The following RANBP1 variants were observed in gnomAD, a reference collection of about 807,000 sequenced individuals.
RANBP1 encodes the protein RAN binding protein 1.
Under a neutral mutation model 31.4 loss-of-function variants are expected in RANBP1, and 16 were observed. The ratio of observed to expected loss-of-function variants is 0.51; its 90% CI spans 0.34 to 0.77. RANBP1 has a LOEUF of 0.77. RANBP1 is among the 30% of genes least tolerant of loss of function. The pLI is 0.01. For synonymous variants in RANBP1, 129 were observed against 140.5 expected (o/e 0.92, Z 0.58); for missense variants, 265 against 362.0 (o/e 0.73, Z 2.17).
At chr22:20,117,387 C>A in intron 1 of RANBP1, 1 of 1,209,974 alleles carries the variant, frequency 8.3e-7, no homozygotes, top group Non-Finnish European at 1.0e-6. Flanking sequence ...GCGCCGCGGG[C>A]GTTTTGGCGG....
At chr22:20,118,495 A>G (rs367909443) in intron 1 of RANBP1, among the ~76,000 whole-genome samples, 13 of 152,368 alleles carry the variant, frequency 8.5e-5, no homozygotes, top group African/African-American at 2.6e-4. Context: ...GCAGTCCTGT[A>G]GCGACTTTTT....
chr22:20,126,155 A>G, intron 4 of RANBP1, 148 bp from the exon 5 acceptor site: 1 of 948,500 alleles, frequency 1.1e-6, no homozygotes, highest in Non-Finnish European at 1.6e-6. Context: ...ACAGAAGGCC[A>G]GGGCCGATGT....
intron 2 of RANBP1, among the ~76,000 whole-genome samples, chr22:20,121,427 TTAG>T (rs2050168377): frequency 6.6e-6 from 1 of 152,090 alleles, no homozygotes; most frequent in African/African-American, 2.4e-5. Context: ...TTTTGTATTT[TTAG>T]TAGAGAGGGG....
rs200653246 is a variant in RANBP1, at chr22:20,116,255, C to T, written c.71C>T (p.Thr24Met). 1.2e-4 allele frequency: 193 copies of T among 1,612,860 alleles called. No homozygotes were observed. Among genetic ancestry groups the T allele is most frequent in the East Asian group, 2.9e-4 (13 of 44,898 alleles). ...CCTTTCCAGAGGGCACCATGCAAAA[C>T]GCGCAGGGCCTTGTCCCTCTCTGCA... ...GRPFQRAPCK[T>M]RRALSLSAAL... is the part of the protein sequence containing the mutation. Residue 24 changes from threonine to methionine, a missense_variant, in exon 1 of 6, where the codon ACG becomes ATG. By Grantham distance (81) the Thr-to-Met change is moderately conservative. Around this residue, in one of 3 missense-constraint regions of RANBP1, gnomAD observed 126 missense variants for 123.6 expected, o/e 1.02. Transcript: ENST00000430524.
intron 3 of RANBP1, chr22:20,124,995 G>T: frequency 2.8e-6 from 1 of 352,754 alleles, no homozygotes; most frequent in Non-Finnish European, 5.3e-6. Flanking sequence ...GGAGGTGGGG[G>T]TCTGTGTGCC....
chr22:20,120,940 C>G (rs964055562), intron 2 of RANBP1, among the ~76,000 whole-genome samples: 3 of 152,236 alleles, frequency 2.0e-5, no homozygotes, highest in Non-Finnish European at 4.4e-5. Flanking sequence ...CTGCAGATCT[C>G]TGGGGCTGGG....
chr22:20,117,062 C>T (rs1358695380), intron 1 of RANBP1: 1 of 979,386 alleles, frequency 1.0e-6, no homozygotes, highest in African/African-American at 1.6e-5. Context: ...TCGCCGCCAC[C>T]CCCGGCTTCG....
chr22:20,118,191 G>A (rs900063197), intron 1 of RANBP1: 2 of 1,002,082 alleles, frequency 2.0e-6, no homozygotes, highest in Non-Finnish European at 2.4e-6. Context: ...GTTGAGTGCG[G>A]GCCGCTGCAG....
At chr22:20,122,723 C>CGGTGTG in intron 3 of RANBP1, 1 of 928,858 alleles carries the variant, frequency 1.1e-6, no homozygotes, top group Non-Finnish European at 1.3e-6. Flanking sequence ...CGAGGGGGTG[C>CGGTGTG]TGTGTGTGTG....
chr22:20,116,837 CT>C, intron 1 of RANBP1: 14 of 1,551,806 alleles, frequency 9.0e-6, no homozygotes, highest in Non-Finnish European at 1.2e-5. Context: ...ACCCCGCCTC[CT>C]CCCACCCCAT....
chr22:20,117,531 G>C, intron 1 of RANBP1: 1 of 1,352,642 alleles, frequency 7.4e-7, no homozygotes, highest in South Asian at 1.5e-5. Context: ...GGAGGGAAGA[G>C]CGGGCGGGCG....
intron 2 of RANBP1, among the ~76,000 whole-genome samples, chr22:20,121,258 T>C (rs1602539004): frequency 6.7e-6 from 1 of 150,246 alleles, no homozygotes; most frequent in Non-Finnish European, 1.5e-5. Context: ...TGCTCTCTCT[T>C]TTTTTTTTGA....
intron 3 of RANBP1, chr22:20,124,128 C>G (rs2050246730): frequency 6.5e-6 from 1 of 152,680 alleles, no homozygotes; most frequent in Non-Finnish European, 1.5e-5. Flanking sequence ...GGCTGGTCCT[C>G]CTCCTCGAGC....
At chr22:20,126,445 T>C (rs1331536980) in intron 5 of RANBP1, 77 bp downstream of exon 5, 2 of 1,610,272 alleles carry the variant, frequency 1.2e-6, no homozygotes, top group Admixed American at 3.4e-5. Flanking sequence ...GCGGGTGCTT[T>C]TTCTGTCTGC....
rs61737473 is a variant in RANBP1 at position 20,116,283 on chromosome 22, G to A, written c.99G>A (p.Ala33=). Reference sequence around the variant, plus strand: ...GCAGGGCCTTGTCCCTCTCTGCAGCGCTGCGGAATGTCACAAAGGCGCAGG... The same window carrying A: ...GCAGGGCCTTGTCCCTCTCTGCAGCACTGCGGAATGTCACAAAGGCGCAGG... The part of the protein sequence containing the change: ...KTRRALSLSA[A]LRNVTKAQGG... The change falls in exon 1 of 6, where the codon GCG becomes GCA. Residue 33 remains alanine (A), a synonymous_variant. Coordinates refer to ENST00000430524, the MANE Select transcript of RANBP1 (RefSeq NM_001278639.2). The A allele has an allele frequency of 2.8e-4, 452 of 1,612,944 alleles. 1 individual carries two copies. Among genetic ancestry groups the A allele is most frequent in the Middle Eastern group, 2.3e-3 (14 of 6,062 alleles).
Position 20,127,029 on chromosome 22 carries a change from G to T in RANBP1, c.814G>T (p.Glu272Ter). 6.2e-7 allele frequency: 1 copy of T among 1,612,134 alleles called. No individual in the cohort carries two copies. The highest frequency in any genetic ancestry group is 8.5e-7 in the Non-Finnish European group (1 of 1,179,240). The change falls in exon 6 of 6, where the codon GAG (glutamate) becomes TAG (stop). Residue 272 changes from glutamate to a stop codon, truncating the protein, a stop_gained. Coordinates refer to ENST00000430524, the MANE Select transcript of RANBP1 (RefSeq NM_001278639.2). LOFTEE classifies it high-confidence loss of function. ...TCTCTCGGTGAAGGAGGAGACCAAG[G>T]AGGATGCTGAGGAGAAGCAATAAAT... ...EALSVKEETK[E>*]DAEEKQ
chr22:20,122,723 C>T (rs1172405772), intron 3 of RANBP1: 1 of 928,860 alleles, frequency 1.1e-6, no homozygotes, highest in Non-Finnish European at 1.3e-6. Context: ...CGAGGGGGTG[C>T]TGTGTGTGTG....
At chr22:20,117,370 C>A (rs908197654) in intron 1 of RANBP1, 3 of 1,215,412 alleles carry the variant, frequency 2.5e-6, no homozygotes, top group Admixed American at 4.6e-5. Flanking sequence ...ACGGGCGGGC[C>A]GGGCATGCGC....
intron 1 of RANBP1, chr22:20,116,773 T>A: frequency 7.4e-7 from 1 of 1,356,748 alleles, no homozygotes; most frequent in Non-Finnish European, 1.0e-6. Context: ...TCTCCTTTCC[T>A]CCCCTATCGC....
Sources: allele counts gnomAD v4.1 joint callset (sites outside exome capture counted in the v4.1 genomes callset), GRCh38; gene constraint gnomAD v4.1.1; regional missense constraint gnomAD v4.1.1; transcripts MANE v1.5; gene names NCBI Gene and HGNC (gene_info 2026-07-23, HGNC 2026-07-21).